Variants in PSMB7 observed in about 807,000 individuals in gnomAD.
The protein encoded by PSMB7 is proteasome 20S subunit beta 7.
A neutral mutation model predicts 28.1 loss-of-function variants in PSMB7; 5 were observed. That is an observed-to-expected ratio of 0.18 (90% confidence interval 0.09 to 0.37). PSMB7 has a LOEUF of 0.37. PSMB7 is among the 10% of genes least tolerant of loss of function. The pLI is 1.00. For missense variants in PSMB7, 275 were observed against 346.2 expected (o/e 0.79, Z 1.63); for synonymous variants, 122 against 123.7 (o/e 0.99, Z 0.09).
chr9:124,400,371 C>CT (rs1350235185), intron 5 of PSMB7, among the ~76,000 whole-genome samples: 1 of 152,226 alleles, frequency 6.6e-6, no homozygotes, highest in Non-Finnish European at 1.5e-5. Flanking sequence ...CTCGTGCCAG[C>CT]TTTTTGGACA....
chr9:124,414,008 A>T lies in PSMB7; in HGVS notation c.157-3T>A, dbSNP rs112354804. ...TCTGCTCCAAGAACTATGCCATCCT[A>T]TTAAAAAAAAAAGTTTTTAAACAAT... is the stretch of plus-strand genomic sequence containing the variant. On this transcript the variant is annotated splice_region_variant and splice_polypyrimidine_tract_variant and intron_variant, in intron 2 of 7. Coordinates refer to ENST00000259457, the MANE Select transcript of PSMB7 (RefSeq NM_002799.4). 1 of 1,597,014 alleles carries T rather than the reference A, an allele frequency of 6.3e-7. No homozygotes were observed. Among genetic ancestry groups the T allele is most frequent in the South Asian group, 1.1e-5 (1 of 88,992 alleles).
At chr9:124,403,005 C>T (rs1202733546) in intron 5 of PSMB7, among the ~76,000 whole-genome samples, 1 of 152,160 alleles carries the variant, frequency 6.6e-6, no homozygotes, top group South Asian at 2.1e-4. Flanking sequence ...AAGTCTCAAA[C>T]TGGCAATTTC....
intron 4 of PSMB7, among the ~76,000 whole-genome samples, chr9:124,406,537 A>G (rs1446638540): frequency 4.6e-5 from 7 of 151,078 alleles, no homozygotes; most frequent in Non-Finnish European, 1.0e-4. Context: ...ACCTCACCAC[A>G]GCCCAAACAG....
At chr9:124,403,906 T>A (rs961783155) in intron 5 of PSMB7, among the ~76,000 whole-genome samples, 18 of 123,276 alleles carry the variant, frequency 1.5e-4, no homozygotes, top group Non-Finnish European at 2.8e-4. Flanking sequence ...TTTTTTTTTT[T>A]AAACAGACAG....
intron 1 of PSMB7, 98 bp from the exon 2 acceptor site, chr9:124,415,033 C>T: frequency 2.6e-6 from 2 of 761,696 alleles, no homozygotes; most frequent in Non-Finnish European, 4.3e-6. Flanking sequence ...AAAGCTGCTA[C>T]TTGTTTTCAC....
intron 6 of PSMB7, among the ~76,000 whole-genome samples, chr9:124,378,792 C>T (rs1830637379): frequency 6.6e-6 from 1 of 152,150 alleles, no homozygotes. Flanking sequence ...TTCATTTTAG[C>T]AATTTTAGCA....
intron 6 of PSMB7, among the ~76,000 whole-genome samples, chr9:124,359,436 C>G (rs1166540573): frequency 5.3e-5 from 8 of 152,214 alleles, no homozygotes; most frequent in East Asian, 1.9e-4. Flanking sequence ...CTTTGATGAT[C>G]ATCATGTTCA....
chr9:124,403,453 G>T (rs1830932446), intron 5 of PSMB7, among the ~76,000 whole-genome samples: 1 of 152,182 alleles, frequency 6.6e-6, no homozygotes, highest in South Asian at 2.1e-4. Flanking sequence ...TGAGCCCGGG[G>T]AAGTCGAGGT....
chr9:124,361,414 C>T (rs1277307451), intron 6 of PSMB7, among the ~76,000 whole-genome samples: 4 of 152,158 alleles, frequency 2.6e-5, no homozygotes, highest in South Asian at 2.1e-4. Context: ...CAGCTGTACC[C>T]GAGTGCTTGA....
At chr9:124,358,600 T>A in intron 6 of PSMB7, among the ~76,000 whole-genome samples, 1 of 152,358 alleles carries the variant, frequency 6.6e-6, no homozygotes, top group Middle Eastern at 3.4e-3. Flanking sequence ...CAGCAGCTGC[T>A]ATCTAGATAG....
intron 1 of PSMB7, 176 bp downstream of exon 1, chr9:124,415,188 C>T (rs2131185544): frequency 1.4e-6 from 1 of 707,554 alleles, no homozygotes; most frequent in Non-Finnish European, 2.3e-6. Context: ...AGAGCAGACC[C>T]GGCTTCAGGA....
intron 6 of PSMB7, among the ~76,000 whole-genome samples, chr9:124,369,878 C>T (rs1447350977): frequency 6.6e-6 from 1 of 152,218 alleles, no homozygotes. Flanking sequence ...CCTCTTCCGC[C>T]GTACCCCTAC....
intron 5 of PSMB7, among the ~76,000 whole-genome samples, chr9:124,387,496 C>T (rs1199814986): frequency 1.3e-5 from 2 of 150,130 alleles, no homozygotes; most frequent in Non-Finnish European, 1.5e-5. Context: ...CATACACACA[C>T]ACACACTCTC....
chr9:124,392,326 A>G (rs932116220), intron 5 of PSMB7, among the ~76,000 whole-genome samples: 2 of 152,222 alleles, frequency 1.3e-5, no homozygotes, highest in Non-Finnish European at 2.9e-5. Context: ...ACCAAGAGGC[A>G]CAAGAGGTGG....
Position 124,389,359 on chromosome 9 carries a change from G to A in PSMB7, c.512-4703C>T, listed in dbSNP as rs183528088. On this transcript the variant is annotated intron_variant, in intron 5 of 7. Coordinates refer to ENST00000259457, the MANE Select transcript of PSMB7 (RefSeq NM_002799.4). ...GCTGCTCCTTAGCAACCTTCCCCAA[G>A]CCTGCCTTTCAGCACACCCACGGTT... Among the ~76,000 whole-genome samples the A allele has an allele frequency of 3.3e-5, 5 of 152,216 alleles. No homozygotes were observed. In the East Asian group the frequency reaches 9.7e-4, roughly 29 times the overall value.
chr9:124,406,397 G>C (rs995890777), intron 4 of PSMB7, among the ~76,000 whole-genome samples: 2 of 151,468 alleles, frequency 1.3e-5, no homozygotes, highest in African/African-American at 2.4e-5. Context: ...AGATACTTGG[G>C]AGGCTAAGGT....
chr9:124,368,182 C>T (rs1830526436), intron 6 of PSMB7, among the ~76,000 whole-genome samples: 2 of 131,602 alleles, frequency 1.5e-5, no homozygotes, highest in South Asian at 5.0e-4. Context: ...GCCAAGTACC[C>T]AATTCCACAC....
At chr9:124,357,302 A>G (rs1470525257) in intron 6 of PSMB7, among the ~76,000 whole-genome samples, 3 of 152,160 alleles carry the variant, frequency 2.0e-5, no homozygotes, top group Admixed American at 2.0e-4. Flanking sequence ...ACACACAAAT[A>G]CATTAAAAAA....
At chr9:124,377,664 G>A (rs1181186879) in intron 6 of PSMB7, among the ~76,000 whole-genome samples, 3 of 152,354 alleles carry the variant, frequency 2.0e-5, no homozygotes, top group South Asian at 2.1e-4. Flanking sequence ...CCTTTAGGGC[G>A]ATAGCTGCTC....
Sources: allele counts gnomAD v4.1 joint callset (sites outside exome capture counted in the v4.1 genomes callset), GRCh38; gene constraint gnomAD v4.1.1; transcripts MANE v1.5; gene names NCBI Gene and HGNC (gene_info 2026-07-23, HGNC 2026-07-21).